The following PCDH15 variants were observed in gnomAD, a reference collection of about 807,000 sequenced individuals.
The protein encoded by PCDH15 is protocadherin-15.
A neutral mutation model predicts 178.5 loss-of-function variants in PCDH15; 129 were observed. The ratio of observed to expected loss-of-function variants is 0.72; its 90% CI spans 0.63 to 0.84. The LOEUF is 0.84. PCDH15 is among the 40% of genes least tolerant of loss of function. PCDH15 has a pLI of 0.00. For synonymous variants in PCDH15, 800 were observed against 732.0 expected (o/e 1.09, Z -1.50); for missense variants, 2,230 against 2,099.9 (o/e 1.06, Z -1.21).
chr10:54,712,518 T>A (rs1291547075), intron 1 of PCDH15, among the ~76,000 whole-genome samples: 1 of 151,822 alleles, frequency 6.6e-6, no homozygotes, highest in East Asian at 1.9e-4. Context: ...ATAGAAAATG[T>A]CTCATATTTA....
chr10:54,131,900 G>A (rs552913033), intron 15 of PCDH15, among the ~76,000 whole-genome samples: 44 of 152,186 alleles, frequency 2.9e-4, no homozygotes, highest in Middle Eastern at 3.4e-3. Flanking sequence ...TATATCATCC[G>A]AATTTAAGTG....
chr10:54,816,550 G>T (rs2133735540), intron 3 of PCDH15, among the ~76,000 whole-genome samples: 1 of 152,048 alleles, frequency 6.6e-6, no homozygotes, highest in Non-Finnish European at 1.5e-5. Context: ...TATTTTTCAT[G>T]CCCTTTGATT....
intron 17 of PCDH15, 67 bp from the exon 18 acceptor site, chr10:54,066,952 C>T: frequency 6.8e-7 from 1 of 1,474,110 alleles, no homozygotes; most frequent in African/African-American, 1.4e-5. Context: ...TTTAAGTAGT[C>T]ATTCTGGCAT....
At chr10:53,903,416 G>T (rs1306836802) in intron 25 of PCDH15, 46 bp from the exon 26 acceptor site, 1 of 1,605,856 alleles carries the variant, frequency 6.2e-7, no homozygotes, top group Admixed American at 1.7e-5. Flanking sequence ...GTTATTCATG[G>T]GGGAAAAAAT....
At chr10:55,564,974 G>T (rs1236356328) in intron 2 of PCDH15, among the ~76,000 whole-genome samples, 1 of 151,518 alleles carries the variant, frequency 6.6e-6, no homozygotes, top group Non-Finnish European at 1.5e-5. Context: ...AATAACAATA[G>T]AGGACTTAAA....
intron 2 of PCDH15, among the ~76,000 whole-genome samples, chr10:54,529,595 C>T (rs545336633): frequency 6.6e-5 from 10 of 152,162 alleles, no homozygotes; most frequent in African/African-American, 2.4e-4. Context: ...TTACATGAAT[C>T]CTCTTACTGT....
At chr10:55,418,068 G>A (rs1335664679) in intron 2 of PCDH15, among the ~76,000 whole-genome samples, 1 of 151,578 alleles carries the variant, frequency 6.6e-6, no homozygotes, top group African/African-American at 2.4e-5. Flanking sequence ...TACCTTTGAA[G>A]TGCTTTGGAC....
At chr10:54,254,969 T>C (rs1179657050) in intron 8 of PCDH15, among the ~76,000 whole-genome samples, 1 of 152,210 alleles carries the variant, frequency 6.6e-6, no homozygotes, top group Non-Finnish European at 1.5e-5. Context: ...CCACATAGGA[T>C]GTACTTCTTT....
intron 2 of PCDH15, among the ~76,000 whole-genome samples, chr10:55,438,748 G>A (rs1839107131): frequency 6.6e-6 from 1 of 151,802 alleles, no homozygotes; most frequent in Admixed American, 6.6e-5. Flanking sequence ...GACATATATT[G>A]AAGACTGGAA....
At chr10:55,096,701 T>C (rs1351175408) in intron 2 of PCDH15, among the ~76,000 whole-genome samples, 9 of 152,144 alleles carry the variant, frequency 5.9e-5, no homozygotes, top group Non-Finnish European at 1.5e-5. Context: ...GTTTGACTTT[T>C]TTAGATTTCA....
intron 2 of PCDH15, among the ~76,000 whole-genome samples, chr10:55,038,666 A>T (rs1239507183): frequency 6.6e-6 from 1 of 152,178 alleles, no homozygotes; most frequent in Non-Finnish European, 1.5e-5. Flanking sequence ...CAGTTGTGGG[A>T]CGGGGACTCT....
chr10:54,946,443 AG>A (rs1477279904), intron 2 of PCDH15, among the ~76,000 whole-genome samples: 3 of 151,710 alleles, frequency 2.0e-5, no homozygotes, highest in African/African-American at 7.3e-5. Context: ...TCCTCAGTTA[AG>A]GAGTGAGGGA....
intron 35 of PCDH15, among the ~76,000 whole-genome samples, chr10:53,814,413 G>GAAA (rs2132416446): frequency 6.6e-6 from 1 of 152,190 alleles, no homozygotes; most frequent in Admixed American, 6.5e-5. Context: ...TTCATTAAGG[G>GAAA]AAAATAACGC....
intron 21 of PCDH15, among the ~76,000 whole-genome samples, chr10:53,987,582 C>CTGT (rs1425291832): frequency 2.6e-5 from 4 of 152,024 alleles, no homozygotes; most frequent in African/African-American, 9.7e-5. Context: ...TGAAAATAAA[C>CTGT]TTACAGAGTT....
At chr10:54,339,173 A>G (rs1359333664) in intron 6 of PCDH15, among the ~76,000 whole-genome samples, 1 of 152,200 alleles carries the variant, frequency 6.6e-6, no homozygotes, top group Non-Finnish European at 1.5e-5. Flanking sequence ...AAAACATTAT[A>G]AGATTTATTT....
chr10:55,602,828 T>C (rs912285162), intron 2 of PCDH15, among the ~76,000 whole-genome samples: 35 of 151,942 alleles, frequency 2.3e-4, no homozygotes, highest in Middle Eastern at 6.8e-3. Context: ...AAAAGCAGAG[T>C]GCCTCTCCAC....
chr10:55,363,453 A>C (rs887812577), intron 2 of PCDH15, among the ~76,000 whole-genome samples: 1 of 152,150 alleles, frequency 6.6e-6, no homozygotes, highest in Non-Finnish European at 1.5e-5. Flanking sequence ...TTGTTAGATC[A>C]TGTGGTAAGT....
intron 2 of PCDH15, among the ~76,000 whole-genome samples, chr10:54,924,555 C>T (rs1340300767): frequency 6.7e-6 from 1 of 150,012 alleles, no homozygotes; most frequent in East Asian, 1.9e-4. Context: ...ATTTACACTC[C>T]CCCCATAGCA....
chr10:54,590,282 A>G (rs750093960), intron 2 of PCDH15, among the ~76,000 whole-genome samples: 16 of 152,220 alleles, frequency 1.1e-4, no homozygotes, highest in Non-Finnish European at 8.8e-5. Context: ...TCAAAGTCAT[A>G]TAACTCAGAA....
Sources: allele counts gnomAD v4.1 joint callset (sites outside exome capture counted in the v4.1 genomes callset), GRCh38; gene constraint gnomAD v4.1.1; transcripts MANE v1.5; gene names NCBI Gene and HGNC (gene_info 2026-07-23, HGNC 2026-07-21).